Variants in GRID2 observed in about 807,000 individuals in gnomAD.
GRID2 encodes glutamate receptor ionotropic, delta-2.
A neutral mutation model predicts 114.8 loss-of-function variants in GRID2; 33 were observed. The observed-to-expected ratio is 0.29, with a 90% CI of 0.22 to 0.38. GRID2 has a LOEUF of 0.38. Ranked by LOEUF, GRID2 falls within the 10% of genes least tolerant of loss-of-function variation. The pLI is 1.00. For missense variants in GRID2, 1,184 were observed against 1,257.7 expected, an observed-to-expected ratio of 0.94 and a Z score of 0.89; for synonymous variants, 505 against 449.9, an observed-to-expected ratio of 1.12 and a Z score of -1.55.
intron 1 of GRID2, among the ~76,000 whole-genome samples, chr4:92,467,926 T>C (rs563273674): frequency 6.6e-6 from 1 of 152,102 alleles, no homozygotes; most frequent in Middle Eastern, 3.4e-3. Context: ...TGATATGGAA[T>C]GATCATAGTA....
At chr4:93,720,545 C>G (rs1254334341) in intron 14 of GRID2, among the ~76,000 whole-genome samples, 1 of 152,092 alleles carries the variant, frequency 6.6e-6, no homozygotes, top group Non-Finnish European at 1.5e-5. Context: ...TTCTATACAC[C>G]AGGTACTGTA....
chr4:93,698,776 T>A (rs116363507), intron 14 of GRID2, among the ~76,000 whole-genome samples: 1 of 152,090 alleles, frequency 6.6e-6, no homozygotes, highest in African/African-American at 2.4e-5. Flanking sequence ...AGGATCACAC[T>A]TAATAATTTT....
chr4:93,714,812 TG>T (rs1728772241), intron 14 of GRID2, among the ~76,000 whole-genome samples: 1 of 152,232 alleles, frequency 6.6e-6, no homozygotes, highest in Admixed American at 6.5e-5. Flanking sequence ...TTAAGTTCCT[TG>T]TAGACTCTGG....
intron 8 of GRID2, among the ~76,000 whole-genome samples, chr4:93,261,242 A>T (rs1750222302): frequency 1.3e-5 from 2 of 151,916 alleles, no homozygotes; most frequent in Admixed American, 6.6e-5. Flanking sequence ...GTTTTTAACA[A>T]GCAGTATCTG....
At chr4:92,400,693 A>G (rs1426432431) in intron 1 of GRID2, among the ~76,000 whole-genome samples, 1 of 152,162 alleles carries the variant, frequency 6.6e-6, no homozygotes, top group Non-Finnish European at 1.5e-5. Context: ...ATTGTTTTCC[A>G]AAATGACTGC....
At chr4:93,424,944 T>C (rs1350115351) in intron 10 of GRID2, among the ~76,000 whole-genome samples, 1 of 152,156 alleles carries the variant, frequency 6.6e-6, no homozygotes, top group African/African-American at 2.4e-5. Context: ...TTCAAATTTT[T>C]GTTAAGTCCT....
chr4:93,543,122 T>A (rs981113717), intron 13 of GRID2, among the ~76,000 whole-genome samples: 2 of 152,154 alleles, frequency 1.3e-5, no homozygotes, highest in Non-Finnish European at 2.9e-5. Flanking sequence ...ACAGAAGAAA[T>A]ATGATTTAAA....
chr4:93,543,227 C>A (rs539328151), intron 13 of GRID2, among the ~76,000 whole-genome samples: 1 of 152,188 alleles, frequency 6.6e-6, no homozygotes, highest in African/African-American at 2.4e-5. Flanking sequence ...CTTTTCAACT[C>A]TCAGACAGTT....
At chr4:93,441,572 C>T (rs1721622791) in intron 10 of GRID2, among the ~76,000 whole-genome samples, 1 of 151,796 alleles carries the variant, frequency 6.6e-6, no homozygotes, top group Admixed American at 6.6e-5. Flanking sequence ...TTTAGTACAA[C>T]ATTAAAACCA....
chr4:92,689,506 C>A (rs933456621), intron 2 of GRID2, among the ~76,000 whole-genome samples: 1 of 152,204 alleles, frequency 6.6e-6, no homozygotes, highest in Non-Finnish European at 1.5e-5. Flanking sequence ...ACCATCTGAG[C>A]CCAGCCTCCT....
At chr4:92,382,105 A>G (rs1729646227) in intron 1 of GRID2, among the ~76,000 whole-genome samples, 1 of 152,086 alleles carries the variant, frequency 6.6e-6, no homozygotes. Flanking sequence ...TTTTGAATAT[A>G]TTTATAGTTA....
intron 13 of GRID2, among the ~76,000 whole-genome samples, chr4:93,575,751 A>G (rs1560770110): frequency 6.6e-6 from 1 of 152,120 alleles, no homozygotes; most frequent in Non-Finnish European, 1.5e-5. Flanking sequence ...TCTCTCATCC[A>G]TGGGCCCCAG....
chr4:92,863,584 G>A (rs2149437741), intron 2 of GRID2, among the ~76,000 whole-genome samples: 1 of 152,210 alleles, frequency 6.6e-6, no homozygotes, highest in East Asian at 1.9e-4. Context: ...TTAACCAGTA[G>A]GGTAAGTACA....
intron 2 of GRID2, among the ~76,000 whole-genome samples, chr4:93,069,167 C>T (rs1578896592): frequency 6.6e-6 from 1 of 151,704 alleles, no homozygotes; most frequent in South Asian, 2.1e-4. Context: ...CTCCAACATT[C>T]GAGATTACAT....
intron 2 of GRID2, among the ~76,000 whole-genome samples, chr4:92,697,661 G>A (rs1028132598): frequency 1.3e-5 from 2 of 152,050 alleles, no homozygotes; most frequent in Admixed American, 1.3e-4. Context: ...AATACAAATA[G>A]CCATAGGTAA....
Position 92,460,115 on chromosome 4 carries a change from C to T in GRID2, c.89-130016C>T, listed in dbSNP as rs894827924. Reference sequence around the variant, plus strand: ...CTCTGACTAATATATGCTTCAGGGCCCAGAAAGTGCTGACCATCTTATAAT... The same window carrying T: ...CTCTGACTAATATATGCTTCAGGGCTCAGAAAGTGCTGACCATCTTATAAT... On this transcript the variant is annotated intron_variant, in intron 1 of 15. Transcript: ENST00000282020. Among the ~76,000 whole-genome samples the T allele has an allele frequency of 2.9e-5, 4 of 137,288 alleles. No individual in the cohort carries two copies. The Admixed American group carries it at 3.2e-4, about 11-fold the overall frequency. The allele number at this position is 137,288 out of a possible 152,430, so 90.1% of individuals were successfully genotyped here. A position where few individuals can be genotyped will look rare whatever the true frequency, so the allele number is the denominator to read the frequency against.
intron 8 of GRID2, among the ~76,000 whole-genome samples, chr4:93,343,393 C>G (rs913693063): frequency 6.6e-6 from 1 of 151,982 alleles, no homozygotes. Flanking sequence ...ATTTCAAGTT[C>G]TCCCAGATGA....
Position 93,122,558 on chromosome 4 carries a change from G to A in GRID2, c.735+11605G>A, listed in dbSNP as rs79658974. 2.6e-3 allele frequency among the ~76,000 whole-genome samples: 400 copies of A among 152,162 alleles called. 13 individuals are homozygous for A. In the East Asian group the frequency reaches 0.054, roughly 20 times the overall value. Reference sequence around the variant, plus strand: ...TGTGATCCCAGGATCACAAAAGTTCGTGATGCTGGATTCTATGGTAAAAGT... The same window carrying A: ...TGTGATCCCAGGATCACAAAAGTTCATGATGCTGGATTCTATGGTAAAAGT... On this transcript the variant is annotated intron_variant, in intron 4 of 15. Coordinates refer to ENST00000282020, the MANE Select transcript of GRID2 (RefSeq NM_001510.4).
chr4:92,729,399 C>A (rs1395763188), intron 2 of GRID2, among the ~76,000 whole-genome samples: 1 of 152,000 alleles, frequency 6.6e-6, no homozygotes, highest in African/African-American at 2.4e-5. Context: ...GGAGTATTAC[C>A]TGTGTATGTT....
Sources: gnomAD v4.1 joint callset for allele counts (sites outside exome capture counted in the v4.1 genomes callset) on GRCh38, gnomAD v4.1.1 for gene constraint, MANE v1.5 for transcripts, NCBI Gene and HGNC (gene_info 2026-07-23, HGNC 2026-07-21) for gene names.